Variants in PTBP2 observed in about 807,000 individuals in gnomAD.
PTBP2 encodes the protein polypyrimidine tract-binding protein 2.
Under a neutral mutation model 61.4 loss-of-function variants are expected in PTBP2, and 13 were observed. The observed-to-expected ratio is 0.21, with a 90% CI of 0.14 to 0.34. PTBP2 has a LOEUF of 0.34. Ranked by LOEUF, PTBP2 falls within the 10% of genes least tolerant of loss-of-function variation. The pLI is 1.00. For synonymous variants in PTBP2, 215 were observed against 218.5 expected, an observed-to-expected ratio of 0.98 and a Z score of 0.14; for missense variants, 405 against 642.6, an observed-to-expected ratio of 0.63 and a Z score of 4.00.
intron 2 of PTBP2, chr1:96,751,140 C>T (rs1036456363): frequency 3.6e-5 from 15 of 412,614 alleles, no homozygotes; most frequent in Middle Eastern, 7.6e-4. Context: ...TGTTTGTAAA[C>T]AATTGAGATA....
At chr1:96,733,251 C>T (rs1651697130) in intron 2 of PTBP2, among the ~76,000 whole-genome samples, 1 of 152,004 alleles carries the variant, frequency 6.6e-6, no homozygotes, top group African/African-American at 2.4e-5. Context: ...CACATCACTC[C>T]GACACATTCT....
intron 2 of PTBP2, among the ~76,000 whole-genome samples, chr1:96,742,300 T>A (rs1313465902): frequency 3.9e-5 from 6 of 152,198 alleles, no homozygotes; most frequent in Admixed American, 3.9e-4. Context: ...TTTAAACAGC[T>A]TATATGTAAG....
At chr1:96,762,987 C>T (rs537974430) in intron 3 of PTBP2, among the ~76,000 whole-genome samples, 5 of 151,542 alleles carry the variant, frequency 3.3e-5, no homozygotes, top group South Asian at 2.1e-4. Context: ...GATGGGCGGC[C>T]GGGCAGAGAC....
At chr1:96,806,623 T>G (rs1434931358) in intron 10 of PTBP2, among the ~76,000 whole-genome samples, 171 bp downstream of exon 10, 1 of 152,178 alleles carries the variant, frequency 6.6e-6, no homozygotes, top group Non-Finnish European at 1.5e-5. Context: ...GCATGCTAAT[T>G]TATTTTGCAT....
chr1:96,819,677 C>T (rs1662613365), downstream of PTBP2: 2 of 150,694 alleles, frequency 1.3e-5, no homozygotes, highest in African/African-American at 4.9e-5. Context: ...CCTCCCCCCA[C>T]TCCCTTTTTT....
intron 3 of PTBP2, among the ~76,000 whole-genome samples, chr1:96,763,470 C>G (rs1036704483): frequency 3.3e-5 from 5 of 150,524 alleles, no homozygotes; most frequent in East Asian, 4.0e-4. Flanking sequence ...AGCAGGCACT[C>G]GGCAGGCTGA....
intron 5 of PTBP2, chr1:96,771,604 T>C (rs1474838751): frequency 6.6e-6 from 1 of 152,058 alleles, no homozygotes; most frequent in Admixed American, 6.5e-5. Context: ...TTCAGCTTTT[T>C]TAATTTGATG....
chr1:96,744,267 T>C lies in PTBP2; in HGVS notation c.40-7158T>C, dbSNP rs181138212. 1.2e-4 allele frequency among the ~76,000 whole-genome samples: 19 copies of C among 152,240 alleles called. No homozygotes were observed. The East Asian group carries it at 3.1e-3, about 25-fold the overall frequency. The stretch of plus-strand genomic sequence containing the variant: ...TATGTAAGTTTGAGGAAAAGAGTTG[T>C]ATGAAAATTCAGGATAATTAATAAA... On this transcript the variant is annotated intron_variant, in intron 2 of 13. Coordinates refer to ENST00000674951, the MANE Select transcript of PTBP2 (RefSeq NM_021190.4).
chr1:96,763,589 C>A, intron 3 of PTBP2, among the ~76,000 whole-genome samples: 2 of 26,718 alleles, frequency 7.5e-5, no homozygotes, highest in African/African-American at 1.6e-4. Flanking sequence ...AGAGGGAGAC[C>A]GTGGGGAGAG....
chr1:96,724,821 C>G (rs918466345), intron 2 of PTBP2, among the ~76,000 whole-genome samples: 1 of 151,806 alleles, frequency 6.6e-6, no homozygotes, highest in African/African-American at 2.4e-5. Flanking sequence ...CAAACCTGCA[C>G]GTTGTACTCA....
intron 5 of PTBP2, 106 bp from the exon 6 acceptor site, chr1:96,777,471 AATTTTGTT>A (rs1658167275): frequency 1.2e-6 from 1 of 844,768 alleles, no homozygotes; most frequent in Admixed American, 3.6e-5. Flanking sequence ...GGGGCCATTT[AATTTTGTT>A]TAATCTGTGT....
intron 3 of PTBP2, among the ~76,000 whole-genome samples, chr1:96,755,685 C>G (rs1655070647): frequency 1.3e-5 from 2 of 152,058 alleles, no homozygotes; most frequent in Admixed American, 1.3e-4. Context: ...GACACAACAG[C>G]AAGAATGAAT....
At chr1:96,768,344 C>T (rs560372705) in intron 3 of PTBP2, among the ~76,000 whole-genome samples, 17 of 152,092 alleles carry the variant, frequency 1.1e-4, no homozygotes, top group African/African-American at 3.4e-4. Context: ...TTTGAAGATA[C>T]GTTGGAGACC....
intron 11 of PTBP2, among the ~76,000 whole-genome samples, chr1:96,809,169 A>T (rs80352150): frequency 0.012 from 1,902 of 152,266 alleles, 39 homozygotes; most frequent in Non-Finnish European, 0.014. Flanking sequence ...ACTTGAGCAA[A>T]TCTATTATAG....
chr1:96,800,725 C>CT (rs1244491289), intron 8 of PTBP2, among the ~76,000 whole-genome samples: 2 of 151,828 alleles, frequency 1.3e-5, no homozygotes, highest in African/African-American at 2.4e-5. Flanking sequence ...CAGAGCAAAC[C>CT]TTGTCTCAAA....
chr1:96,743,654 ACTT>A (rs1432360455), intron 2 of PTBP2, among the ~76,000 whole-genome samples: 4 of 152,132 alleles, frequency 2.6e-5, no homozygotes, highest in African/African-American at 7.2e-5. Flanking sequence ...AGAGAATTTG[ACTT>A]CTTAAGTTTT....
chr1:96,799,330 C>G (rs1426071110), intron 8 of PTBP2, among the ~76,000 whole-genome samples: 14 of 86,818 alleles, frequency 1.6e-4, no homozygotes, highest in Non-Finnish European at 2.5e-4. Context: ...GAGTCTTGCT[C>G]TGTCGCCCAG....
At chr1:96,758,910 A>T (rs1655468254) in intron 3 of PTBP2, among the ~76,000 whole-genome samples, 2 of 152,150 alleles carry the variant, frequency 1.3e-5, no homozygotes. Context: ...GACCTGAAGG[A>T]CTCTACAACA....
intron 5 of PTBP2, among the ~76,000 whole-genome samples, chr1:96,772,055 CTG>C (rs1208337964): frequency 6.6e-6 from 1 of 152,118 alleles, no homozygotes; most frequent in African/African-American, 2.4e-5. Flanking sequence ...AGTTTCAACA[CTG>C]TCTGCCGGGA....
Sources: allele counts gnomAD v4.1 joint callset (sites outside exome capture counted in the v4.1 genomes callset), GRCh38; gene constraint gnomAD v4.1.1; transcripts MANE v1.5; gene names NCBI Gene and HGNC (gene_info 2026-07-23, HGNC 2026-07-21).